Variants in DOCK3 observed in about 807,000 individuals in gnomAD.
DOCK3 encodes dedicator of cytokinesis protein 3.
Under a neutral mutation model 265.6 loss-of-function variants are expected in DOCK3, and 60 were observed. The ratio of observed to expected loss-of-function variants is 0.23; its 90% CI spans 0.18 to 0.28. The LOEUF (loss-of-function observed/expected upper bound fraction) is 0.28, where lower values mean the gene tolerates loss of function less well. DOCK3 is among the 10% of genes least tolerant of loss of function. The pLI, the probability that DOCK3 is intolerant of heterozygous loss-of-function variation, is 1.00. For synonymous variants in DOCK3, 881 were observed against 938.0 expected (o/e 0.94, Z 1.11); for missense variants, 1,981 against 2,594.3 (o/e 0.76, Z 5.14).
At chr3:50,723,497 C>T (rs187424923) in intron 1 of DOCK3, among the ~76,000 whole-genome samples, 1 of 152,012 alleles carries the variant, frequency 6.6e-6, no homozygotes, top group Admixed American at 6.6e-5. Context: ...ATCGCGAAAC[C>T]TCGTATCTAC....
At chr3:50,676,712 C>CG (rs2033986491) in intron 1 of DOCK3, among the ~76,000 whole-genome samples, 1 of 684 alleles carries the variant, frequency 1.5e-3, no homozygotes, top group Non-Finnish European at 2.9e-3. Flanking sequence ...CCTATTTTGG[C>CG]GGGGGTGGGG....
chr3:51,278,007 T>A (rs1391909762), intron 26 of DOCK3: 1 of 985,312 alleles, frequency 1.0e-6, no homozygotes, highest in Non-Finnish European at 1.2e-6. Context: ...CTGCATACTT[T>A]GAGCCAAGTC....
intron 14 of DOCK3, among the ~76,000 whole-genome samples, chr3:51,224,259 A>G (rs1198087763): frequency 6.6e-6 from 1 of 152,234 alleles, no homozygotes; most frequent in Non-Finnish European, 1.5e-5. Context: ...GAGAACCTTC[A>G]TTATGCAACC....
chr3:51,325,591 T>C (rs976015388), intron 32 of DOCK3, among the ~76,000 whole-genome samples: 1 of 152,230 alleles, frequency 6.6e-6, no homozygotes, highest in Non-Finnish European at 1.5e-5. Flanking sequence ...TAAATCATTC[T>C]ACTATAAAGA....
intron 1 of DOCK3, among the ~76,000 whole-genome samples, chr3:50,736,473 C>G (rs1419560316): frequency 6.6e-6 from 1 of 152,138 alleles, no homozygotes; most frequent in Non-Finnish European, 1.5e-5. Context: ...GAGGAATCGC[C>G]GCACTGTCTT....
intron 9 of DOCK3, among the ~76,000 whole-genome samples, chr3:51,144,109 C>T (rs916984064): frequency 9.9e-5 from 15 of 152,008 alleles, no homozygotes; most frequent in African/African-American, 3.4e-4. Flanking sequence ...TACTATACAC[C>T]CCCCCTTGAT....
intron 1 of DOCK3, among the ~76,000 whole-genome samples, chr3:50,719,273 T>TC (rs2037326526): frequency 6.6e-6 from 1 of 151,724 alleles, no homozygotes; most frequent in Non-Finnish European, 1.5e-5. Flanking sequence ...ATTTTCTTTT[T>TC]TTTTTTTGTT....
intron 22 of DOCK3, among the ~76,000 whole-genome samples, chr3:51,259,162 G>A (rs181333884): frequency 6.6e-6 from 1 of 152,198 alleles, no homozygotes; most frequent in Non-Finnish European, 1.5e-5. Flanking sequence ...TACAAGCCCT[G>A]TAAGACACAT....
chr3:50,778,395 A>C (rs1490142819), intron 1 of DOCK3, among the ~76,000 whole-genome samples: 1 of 152,218 alleles, frequency 6.6e-6, no homozygotes, highest in Non-Finnish European at 1.5e-5. Context: ...CAGGATATCC[A>C]AGGGACAGAG....
At chr3:51,006,587 T>C (rs1431802542) in intron 5 of DOCK3, among the ~76,000 whole-genome samples, 3 of 152,202 alleles carry the variant, frequency 2.0e-5, no homozygotes, top group Non-Finnish European at 4.4e-5. Flanking sequence ...GCAAGTCTAC[T>C]CATTCCCTTC....
At chr3:50,886,761 C>G (rs1385987168) in intron 3 of DOCK3, among the ~76,000 whole-genome samples, 1 of 151,908 alleles carries the variant, frequency 6.6e-6, no homozygotes, top group Admixed American at 6.6e-5. Context: ...TTTATGATGA[C>G]TACTGGGTAC....
chr3:51,332,021 C>A (rs1642191083), intron 33 of DOCK3, among the ~76,000 whole-genome samples: 1 of 152,192 alleles, frequency 6.6e-6, no homozygotes, highest in South Asian at 2.1e-4. Context: ...ACCTGGAAAA[C>A]CCTCACTTTC....
At chr3:50,736,215 G>A (rs537128662) in intron 1 of DOCK3, among the ~76,000 whole-genome samples, 14 of 152,194 alleles carry the variant, frequency 9.2e-5, no homozygotes, top group Admixed American at 7.2e-4. Context: ...CCATGTCCCT[G>A]CAAAGGACAT....
chr3:51,031,009 C>T (rs1355092328), intron 5 of DOCK3, among the ~76,000 whole-genome samples: 1 of 152,182 alleles, frequency 6.6e-6, no homozygotes. Context: ...AACTCTTTAA[C>T]TTCAAAAAGG....
At chr3:50,912,070 T>C (rs2049882719) in intron 4 of DOCK3, among the ~76,000 whole-genome samples, 1 of 152,080 alleles carries the variant, frequency 6.6e-6, no homozygotes, top group Non-Finnish European at 1.5e-5. Context: ...TAATTAATTT[T>C]CTGGTAGAGT....
At chr3:50,884,722 A>G (rs143701053) in intron 3 of DOCK3, among the ~76,000 whole-genome samples, 3 of 152,034 alleles carry the variant, frequency 2.0e-5, no homozygotes, top group African/African-American at 7.2e-5. Flanking sequence ...GTCATTTTTA[A>G]AATTTTACAT....
At chr3:51,229,719 T>G (rs1560247411) in intron 19 of DOCK3, 110 bp downstream of exon 19, 4 of 771,786 alleles carry the variant, frequency 5.2e-6, no homozygotes, top group Non-Finnish European at 7.5e-6. Context: ...TCATCAGATT[T>G]TTGTTGTTGT....
chr3:51,129,418 G>A (rs1170871259), intron 9 of DOCK3, among the ~76,000 whole-genome samples: 3 of 152,202 alleles, frequency 2.0e-5, no homozygotes, highest in Non-Finnish European at 2.9e-5. Flanking sequence ...AGAGAAGGCA[G>A]GGTGGCAGGA....
chr3:50,891,050 A>G (rs1180916703), intron 4 of DOCK3, among the ~76,000 whole-genome samples: 1 of 152,090 alleles, frequency 6.6e-6, no homozygotes, highest in East Asian at 1.9e-4. Context: ...TACTGTTGGT[A>G]TGTATAAAGA....
Sources: gnomAD v4.1 joint callset for allele counts (sites outside exome capture counted in the v4.1 genomes callset) on GRCh38, gnomAD v4.1.1 for gene constraint, MANE v1.5 for transcripts, NCBI Gene and HGNC (gene_info 2026-07-23, HGNC 2026-07-21) for gene names.